The following NDUFB5 variants were observed in gnomAD, a reference collection of about 807,000 sequenced individuals.
The protein encoded by NDUFB5 is NADH dehydrogenase [ubiquinone] 1 beta subcomplex subunit 5, mitochondrial.
A neutral mutation model predicts 19.4 loss-of-function variants in NDUFB5; 19 were observed. That is an observed-to-expected ratio of 0.98 (90% CI 0.68 to 1.43). NDUFB5 has a LOEUF of 1.43. NDUFB5 is among the 40% of genes most tolerant of loss of function. The pLI is 0.00. For missense variants in NDUFB5, 233 were observed against 236.5 expected, an observed-to-expected ratio of 0.99 and a Z score of 0.10; for synonymous variants, 80 against 82.6, an observed-to-expected ratio of 0.97 and a Z score of 0.17.
chr3:179,614,943 A>G (rs1719336258), intron 1 of NDUFB5, 28 bp from the exon 2 acceptor site: 1 of 1,488,370 alleles, frequency 6.7e-7, no homozygotes, highest in African/African-American at 1.4e-5. Flanking sequence ...TGAACCTTGT[A>G]TAAAACAGGG....
At position 179,617,045 on chromosome 3, in the gene NDUFB5, G is replaced by A. The variant is rs759956246; in HGVS notation, c.342+1G>A. Reference sequence around the variant, plus strand: ...CCCAGAACACTGGGAATATTATAAGGTTTGTATAGGACATTGACAATTACA... The same window carrying A: ...CCCAGAACACTGGGAATATTATAAGATTTGTATAGGACATTGACAATTACA... On this transcript the variant is annotated splice_donor_variant, in intron 4 of 5. Transcript: ENST00000259037. LOFTEE classifies it high-confidence loss of function. 2.5e-6 allele frequency: 4 copies of A among 1,603,898 alleles called. No individual in the cohort carries two copies. The highest frequency in any genetic ancestry group is 3.3e-5 in the Admixed American group (2 of 59,736).
At chr3:179,618,637 A>T in intron 5 of NDUFB5, 116 bp downstream of exon 5, 1 of 710,792 alleles carries the variant, frequency 1.4e-6, no homozygotes, top group East Asian at 2.9e-5. Context: ...ATGTAAAAGG[A>T]TAAAGATACG....
At chr3:179,621,366 T>G (rs1483296723) in intron 5 of NDUFB5, among the ~76,000 whole-genome samples, 1 of 152,188 alleles carries the variant, frequency 6.6e-6, no homozygotes, top group Non-Finnish European at 1.5e-5. Flanking sequence ...CGTGAGCCAC[T>G]GCACCTGGCT....
intron 1 of NDUFB5, among the ~76,000 whole-genome samples, chr3:179,607,178 A>G (rs1054667874): frequency 1.3e-5 from 2 of 152,130 alleles, no homozygotes; most frequent in African/African-American, 4.8e-5. Context: ...GGAAGGTTCT[A>G]ATAGCTATGT....
rs146393611 is a variant in NDUFB5 at position 179,626,535 on chromosome 3, CA to C, written c.*2496del. 12,482 of 151,838 alleles carry C rather than the reference CA, an allele frequency of 0.082. 1,144 individuals carry two copies. Among genetic ancestry groups the C allele is most frequent in the African/African-American group, 0.22 (9,046 of 41,208 alleles). 9.4% of individuals were successfully genotyped at this position (151,838 alleles called of 1,614,324 possible). A position where few individuals can be genotyped will look rare whatever the true frequency, so the allele number is the denominator to read the frequency against. On this transcript the variant is annotated 3_prime_UTR_variant, in exon 6 of 6. Transcript: ENST00000259037. ...TTTAGGCGTGCCTGGCCTTTTTGTCCATTTTATTTTTTTGAGATGGAGTCTT... is the reference window on the plus strand; with the variant it reads ...TTTAGGCGTGCCTGGCCTTTTTGTCCTTTTATTTTTTTGAGATGGAGTCTT...
At chr3:179,616,685 C>G (rs1719387896) in intron 3 of NDUFB5, among the ~76,000 whole-genome samples, 1 of 151,998 alleles carries the variant, frequency 6.6e-6, no homozygotes, top group South Asian at 2.1e-4. Context: ...ATAGGGAAGA[C>G]CAGAAGGAAT....
At chr3:179,605,140 T>G (rs1335155126) in intron 1 of NDUFB5, among the ~76,000 whole-genome samples, 1 of 117,814 alleles carries the variant, frequency 8.5e-6, no homozygotes, top group African/African-American at 2.5e-5. Flanking sequence ...TTATTAGCAT[T>G]TCTAAAACGT....
In NDUFB5 at chr3:179,625,710, TC is replaced by T. The variant is rs1719652879; in HGVS notation, c.*1673del. ...TTTTCTGAATTTCCTACTCTCCCCT[TC>T]CCTTCCCAGCCTTGTAACCACCTTT... On this transcript the variant is annotated 3_prime_UTR_variant, in exon 6 of 6. Coordinates refer to ENST00000259037, the MANE Select transcript of NDUFB5 (RefSeq NM_002492.4). The T allele has an allele frequency of 1.3e-5, 2 of 152,116 alleles. No homozygotes were observed. Among genetic ancestry groups the T allele is most frequent in the South Asian group, 4.1e-4 (2 of 4,836 alleles). 9.4% of individuals were successfully genotyped at this position (152,116 alleles called of 1,614,324 possible).
At chr3:179,605,249 T>TG (rs1719053081) in intron 1 of NDUFB5, among the ~76,000 whole-genome samples, 1 of 152,204 alleles carries the variant, frequency 6.6e-6, no homozygotes, top group South Asian at 2.1e-4. Context: ...AGCTTATTGT[T>TG]GCGTTCCACC....
Position 179,625,471 on chromosome 3 carries a change from T to C in NDUFB5, c.*1431T>C, listed in dbSNP as rs1371055303. 1 of 152,180 alleles carries C rather than the reference T, an allele frequency of 6.6e-6. No homozygotes were observed. The highest frequency in any genetic ancestry group is 1.5e-5 in the Non-Finnish European group (1 of 68,022). 9.4% of individuals were successfully genotyped at this position (152,180 alleles called of 1,614,324 possible). ...ATGTACTTGTAATGTGCTATTTTGA[T>C]ACATGTATGCAAAGTATAATGGTCA... On this transcript the variant is annotated 3_prime_UTR_variant, in exon 6 of 6. Coordinates refer to ENST00000259037, the MANE Select transcript of NDUFB5 (RefSeq NM_002492.4).
intron 1 of NDUFB5, among the ~76,000 whole-genome samples, chr3:179,612,949 T>G (rs1719286362): frequency 6.6e-6 from 1 of 152,146 alleles, no homozygotes; most frequent in Non-Finnish European, 1.5e-5. Context: ...ACCCTGTGCT[T>G]CTAGTGTATC....
intron 5 of NDUFB5, among the ~76,000 whole-genome samples, chr3:179,622,905 AAG>A (rs1719576578): frequency 6.6e-6 from 1 of 151,856 alleles, no homozygotes; most frequent in Non-Finnish European, 1.5e-5. Context: ...TGTTTGTGCA[AAG>A]ACTTAGATAT....
intron 4 of NDUFB5, 150 bp downstream of exon 4, chr3:179,617,194 G>A: frequency 2.7e-5 from 14 of 523,196 alleles, no homozygotes; most frequent in Non-Finnish European, 4.6e-5. Context: ...CTGGAGTGCA[G>A]TGGCGCGATT....
chr3:179,624,699 A>G lies in NDUFB5; in HGVS notation c.*659A>G, dbSNP rs1156844848. 1 of 151,834 alleles carries G rather than the reference A, an allele frequency of 6.6e-6. No homozygotes were observed. Among genetic ancestry groups the G allele is most frequent in the Non-Finnish European group, 1.5e-5 (1 of 68,004 alleles). 9.4% of individuals were successfully genotyped at this position (151,834 alleles called of 1,614,324 possible). On this transcript the variant is annotated 3_prime_UTR_variant, in exon 6 of 6. Transcript: ENST00000259037. ...ATGTGATTCCTGCAGAGATTATAAA[A>G]TGTGAGTAAAAGCTAAAAATGACTC...
chr3:179,615,377 C>G (rs1719350595), intron 2 of NDUFB5: 1 of 254,392 alleles, frequency 3.9e-6, no homozygotes, highest in South Asian at 4.6e-5. Context: ...TACCAAAGAA[C>G]TTGTTGAAAG....
At chr3:179,611,714 GAC>G (rs1484081156) in intron 1 of NDUFB5, among the ~76,000 whole-genome samples, 1 of 151,846 alleles carries the variant, frequency 6.6e-6, no homozygotes, top group Admixed American at 6.6e-5. Context: ...TGTTGTCTTT[GAC>G]ACACAAAAAG....
intron 1 of NDUFB5, among the ~76,000 whole-genome samples, chr3:179,612,475 CTTTTTTTT>C (rs760879075): frequency 1.3e-3 from 157 of 122,836 alleles, no homozygotes; most frequent in African/African-American, 4.5e-3. Context: ...TGCATTAAAC[CTTTTTTTT>C]TTTTTTTTTT....
chr3:179,619,357 C>T (rs554764616), intron 5 of NDUFB5, among the ~76,000 whole-genome samples: 1 of 151,922 alleles, frequency 6.6e-6, no homozygotes, highest in Admixed American at 6.6e-5. Flanking sequence ...CCCCTCCACC[C>T]ACCCCACAAC....
intron 1 of NDUFB5, among the ~76,000 whole-genome samples, chr3:179,611,794 T>C (rs1719248446): frequency 1.3e-5 from 2 of 152,116 alleles, no homozygotes. Context: ...CTTAATAACT[T>C]TTCTGAGGCT....
Sources: allele counts gnomAD v4.1 joint callset (sites outside exome capture counted in the v4.1 genomes callset), GRCh38; gene constraint gnomAD v4.1.1; transcripts MANE v1.5; gene names NCBI Gene and HGNC (gene_info 2026-07-23, HGNC 2026-07-21).